GARNL3: variants seen among roughly 807,000 people sequenced by gnomAD.
GARNL3 encodes the protein GTPase activating Rap/RanGAP domain like 3.
In GARNL3, 63 loss-of-function variants were observed where a neutral mutation model predicts 125.0. That is an observed-to-expected ratio of 0.50 (90% confidence interval 0.41 to 0.62). The LOEUF (loss-of-function observed/expected upper bound fraction) is 0.62, where lower values mean the gene tolerates loss of function less well. GARNL3 is among the 20% of genes least tolerant of loss of function. The pLI is 0.00. For missense variants in GARNL3, 994 were observed against 1,244.0 expected (o/e 0.80, Z 3.02); for synonymous variants, 439 against 457.5 (o/e 0.96, Z 0.52).
chr9:127,276,390 T>G (rs2063957717), intron 1 of GARNL3, among the ~76,000 whole-genome samples: 1 of 152,106 alleles, frequency 6.6e-6, no homozygotes, highest in Non-Finnish European at 1.5e-5. Context: ...ATTTTTTTTT[T>G]TTTGATTCCT....
chr9:127,335,221 A>G lies in GARNL3; in HGVS notation c.770-9A>G, dbSNP rs375035639. 1.5e-4 allele frequency: 243 copies of G among 1,590,376 alleles called. No homozygotes were observed. The highest frequency in any genetic ancestry group is 1.9e-4 in the Non-Finnish European group (220 of 1,158,776). On this transcript the variant is annotated splice_polypyrimidine_tract_variant and intron_variant, in intron 9 of 27. Transcript: ENST00000373387. ...CTGTGCTCACTGAATGCATATTTAT[A>G]TTTTGCAGATGATACCACAGGGATA... is the stretch of plus-strand genomic sequence containing the variant.
In GARNL3 at chr9:127,357,363, G is replaced by A. The variant is rs1397698866; in HGVS notation, c.2080G>A (p.Val694Met). 16 of 1,613,748 alleles carry A rather than the reference G, an allele frequency of 9.9e-6. No homozygotes were observed. The highest frequency in any genetic ancestry group is 6.7e-5 in the African/African-American group (5 of 74,934). The change falls in exon 21 of 28, where the codon GTG becomes ATG. Residue 694 changes from valine (V) to methionine (M), a missense_variant. Val to Met is a conservative substitution (Grantham distance 21). Coordinates refer to ENST00000373387, the MANE Select transcript of GARNL3 (RefSeq NM_032293.5). ...AGGAGAAGCCTTCAGGCTGCACCAC[G>A]TGGAGGCCAACAGGGTAAGCCAGCG... ...STGEAFRLHH[V>M]EANRVNFVAA... is the part of the protein sequence containing the mutation.
chr9:127,245,893 C>T (rs1297905169), intron 2 of GARNL3, among the ~76,000 whole-genome samples: 1 of 151,944 alleles, frequency 6.6e-6, no homozygotes, highest in Non-Finnish European at 1.5e-5. Flanking sequence ...AACCTCAGCG[C>T]ACTCAGGAGT....
chr9:127,250,365 A>G (rs1375840060), intron 2 of GARNL3, among the ~76,000 whole-genome samples: 2 of 152,224 alleles, frequency 1.3e-5, no homozygotes, highest in Non-Finnish European at 2.9e-5. Context: ...TTCAAAAGCA[A>G]CATGGTGGTG....
At chr9:127,250,123 AAAAG>A (rs1255451391) in intron 2 of GARNL3, among the ~76,000 whole-genome samples, 5 of 152,236 alleles carry the variant, frequency 3.3e-5, no homozygotes, top group Non-Finnish European at 5.9e-5. Flanking sequence ...TTTGTGTAAA[AAAAG>A]GGGAAAGGGG....
At chr9:127,390,507 A>C (rs1832764987) in intron 26 of GARNL3, 134 bp from the exon 27 acceptor site, 3 of 810,318 alleles carry the variant, frequency 3.7e-6, no homozygotes, top group Admixed American at 2.6e-5. Context: ...ATTTGAAAAT[A>C]TATATTCTAT....
Position 127,392,780 on chromosome 9 carries a change from A to C in GARNL3, c.2871-303A>C, listed in dbSNP as rs1832935925. 6.6e-6 allele frequency among the ~76,000 whole-genome samples: 1 copy of C among 152,246 alleles called. No individual in the cohort carries two copies. Among genetic ancestry groups the C allele is most frequent in the Admixed American group, 6.5e-5 (1 of 15,284 alleles). On this transcript the variant is annotated intron_variant, in intron 27 of 27. Transcript: ENST00000373387. This position sits in a 1 kb window ranked among gnomAD's most constrained non-coding sequence, Gnocchi z 5.2. Reference sequence around the variant, plus strand: ...GGCTATGAGTTTCAGCCTGATCCTCAGGCCCTGGGCACCCATGGGAGGGTT... The same window carrying C: ...GGCTATGAGTTTCAGCCTGATCCTCCGGCCCTGGGCACCCATGGGAGGGTT...
At chr9:127,375,951 C>A (rs1471686030) in intron 22 of GARNL3, among the ~76,000 whole-genome samples, 3 of 152,116 alleles carry the variant, frequency 2.0e-5, no homozygotes, top group Non-Finnish European at 4.4e-5. Flanking sequence ...CTGTAACCTC[C>A]AATGACATCT....
chr9:127,241,276 A>G (rs1426535633), intron 1 of GARNL3, among the ~76,000 whole-genome samples: 1 of 152,198 alleles, frequency 6.6e-6, no homozygotes, highest in Non-Finnish European at 1.5e-5. Flanking sequence ...CTTTGTAATT[A>G]AAATAAATCT....
At chr9:127,366,757 T>A (rs1444617492) in intron 22 of GARNL3, 2 of 152,250 alleles carry the variant, frequency 1.3e-5, no homozygotes, top group Non-Finnish European at 2.9e-5. Flanking sequence ...TGCCATGGGC[T>A]CTGTGCCAGA....
chr9:127,288,023 T>C (rs2064303140), intron 1 of GARNL3, among the ~76,000 whole-genome samples: 2 of 152,368 alleles, frequency 1.3e-5, no homozygotes, highest in South Asian at 2.1e-4. Context: ...AGACCGATAC[T>C]GTGTCAGGTG....
At chr9:127,287,071 A>C (rs1304405951) in intron 1 of GARNL3, among the ~76,000 whole-genome samples, 1 of 152,130 alleles carries the variant, frequency 6.6e-6, no homozygotes, top group Non-Finnish European at 1.5e-5. Context: ...CCTCTCCTAA[A>C]GGGCCTGGGT....
chr9:127,384,471 C>T lies in GARNL3; in HGVS notation c.2270-556C>T, dbSNP rs1052243420. Reference sequence around the variant, plus strand: ...TCCAAATCATTTCAAGCAGAGGGGCCAGCCCTTAACAAATAACTCAGCAAA... The same window carrying T: ...TCCAAATCATTTCAAGCAGAGGGGCTAGCCCTTAACAAATAACTCAGCAAA... On this transcript the variant is annotated intron_variant, in intron 23 of 27. Coordinates refer to ENST00000373387, the MANE Select transcript of GARNL3 (RefSeq NM_032293.5). This position sits in a 1 kb window ranked among gnomAD's most constrained non-coding sequence, Gnocchi z 4.0. Among the ~76,000 whole-genome samples the T allele has an allele frequency of 6.6e-6, 1 of 152,126 alleles. No individual in the cohort carries two copies.
chr9:127,320,789 A>T lies in GARNL3; in HGVS notation c.567+11A>T, dbSNP rs759887591. The stretch of plus-strand genomic sequence containing the variant: ...CCTGAAATACAAAAGGTAACAGAAA[A>T]TTTTATGCTTCATAATTGTACAAAA... On this transcript the variant is annotated intron_variant, in intron 6 of 27. Coordinates refer to ENST00000373387, the MANE Select transcript of GARNL3 (RefSeq NM_032293.5). 14 of 1,554,700 alleles carry T rather than the reference A, an allele frequency of 9.0e-6. No individual in the cohort carries two copies. The South Asian group carries it at 1.1e-4, about 12-fold the overall frequency.
At position 127,339,153 on chromosome 9, in the gene GARNL3, C is replaced by T. The variant is rs1829718479; in HGVS notation, c.1029-492C>T. ...TGTACTAAAAATACAAAAAATTAGC[C>T]GGGCGTGGTGGCAGGTGCCTGTAGT... is the stretch of plus-strand genomic sequence containing the variant. On this transcript the variant is annotated intron_variant, in intron 12 of 27. Coordinates refer to ENST00000373387, the MANE Select transcript of GARNL3 (RefSeq NM_032293.5). 2.0e-5 allele frequency among the ~76,000 whole-genome samples: 3 copies of T among 151,940 alleles called. No individual in the cohort carries two copies. In the South Asian group the frequency reaches 6.2e-4, roughly 32 times the overall value.
intron 22 of GARNL3, among the ~76,000 whole-genome samples, chr9:127,379,311 AC>A (rs1364974729): frequency 6.6e-6 from 1 of 152,154 alleles, no homozygotes; most frequent in Admixed American, 6.5e-5. Context: ...TTATGTAGGA[AC>A]TCACAGCACT....
At chr9:127,380,724 A>G (rs1832205623) in intron 22 of GARNL3, among the ~76,000 whole-genome samples, 2 of 152,246 alleles carry the variant, frequency 1.3e-5, no homozygotes, top group Admixed American at 1.3e-4. Flanking sequence ...ATGTCCGGAA[A>G]AGGCAAGTCC....
chr9:127,381,136 CA>C (rs11350521), intron 22 of GARNL3, among the ~76,000 whole-genome samples: 78,707 of 152,050 alleles, frequency 0.52, 20,665 homozygotes, highest in South Asian at 0.67. Context: ...CTCGGCTTCC[CA>C]AAAGTGCTGG....
chr9:127,230,480 C>A (rs1387684231), intron 1 of GARNL3, among the ~76,000 whole-genome samples: 1 of 152,012 alleles, frequency 6.6e-6, no homozygotes, highest in Non-Finnish European at 1.5e-5. Flanking sequence ...CATGCAGAAA[C>A]CCCGTCTCTA....
Sources: allele counts gnomAD v4.1 joint callset (sites outside exome capture counted in the v4.1 genomes callset), GRCh38; gene constraint gnomAD v4.1.1; non-coding constraint Gnocchi (gnomAD v3.1); transcripts MANE v1.5; gene names NCBI Gene and HGNC (gene_info 2026-07-23, HGNC 2026-07-21).